ADCY2: variants seen among roughly 807,000 people sequenced by gnomAD.
ADCY2 encodes adenylate cyclase type 2.
Under a neutral mutation model 125.2 loss-of-function variants are expected in ADCY2, and 31 were observed. The ratio of observed to expected loss-of-function variants is 0.25; its 90% CI spans 0.19 to 0.33. The LOEUF is 0.33. ADCY2 is among the 10% of genes least tolerant of loss of function. The probability of loss-of-function intolerance (pLI) is 1.00; values close to 1 mark genes in which losing one functional copy is unlikely to be tolerated. For synonymous variants in ADCY2, 512 were observed against 548.4 expected, an observed-to-expected ratio of 0.93 and a Z score of 0.93; for missense variants, 904 against 1,418.2, an observed-to-expected ratio of 0.64 and a Z score of 5.82.
chr5:7,739,888 G>T (rs1012984801), intron 14 of ADCY2, among the ~76,000 whole-genome samples: 2 of 151,922 alleles, frequency 1.3e-5, no homozygotes, highest in Non-Finnish European at 2.9e-5. Flanking sequence ...AACTGTGCAT[G>T]TATCTATTTA....
intron 1 of ADCY2, among the ~76,000 whole-genome samples, chr5:7,407,867 CT>C (rs963332049): frequency 2.1e-3 from 268 of 127,916 alleles, no homozygotes; most frequent in Middle Eastern, 0.012. Flanking sequence ...CTCTTCAGTT[CT>C]TTTTTTTTTT....
intron 3 of ADCY2, among the ~76,000 whole-genome samples, chr5:7,624,301 A>C (rs573772858): frequency 6.6e-6 from 1 of 152,332 alleles, no homozygotes; most frequent in South Asian, 2.1e-4. Context: ...ATGGAGAACA[A>C]AATGTCACCT....
chr5:7,451,841 A>G (rs1440648871), intron 2 of ADCY2, among the ~76,000 whole-genome samples: 1 of 152,086 alleles, frequency 6.6e-6, no homozygotes, highest in Admixed American at 6.5e-5. Context: ...ATAGTGGTGA[A>G]GTCAGAGATT....
chr5:7,735,910 GT>G (rs1742235685), intron 14 of ADCY2, among the ~76,000 whole-genome samples: 1 of 152,106 alleles, frequency 6.6e-6, no homozygotes, highest in Non-Finnish European at 1.5e-5. Flanking sequence ...TTCTTTCAAA[GT>G]TTTGGGCCAG....
chr5:7,477,216 C>G (rs1211570577), intron 2 of ADCY2, among the ~76,000 whole-genome samples: 2 of 151,726 alleles, frequency 1.3e-5, no homozygotes, highest in Non-Finnish European at 2.9e-5. Flanking sequence ...TAAAAGAGAC[C>G]CCCATTAAAA....
intron 18 of ADCY2, among the ~76,000 whole-genome samples, chr5:7,778,023 GCAGTCCT>G (rs1249779179): frequency 1.3e-5 from 2 of 152,172 alleles, no homozygotes; most frequent in Non-Finnish European, 2.9e-5. Context: ...GGTGTTCACA[GCAGTCCT>G]CCATATTGTC....
intron 2 of ADCY2, among the ~76,000 whole-genome samples, chr5:7,498,479 A>C (rs1396899274): frequency 1.3e-5 from 2 of 151,776 alleles, no homozygotes; most frequent in Non-Finnish European, 2.9e-5. Context: ...CGATCTCCTG[A>C]CCTCGTGATC....
At chr5:7,442,216 G>T (rs925017897) in intron 2 of ADCY2, among the ~76,000 whole-genome samples, 4 of 152,138 alleles carry the variant, frequency 2.6e-5, no homozygotes, top group African/African-American at 9.7e-5. Context: ...TGTGCCTCCT[G>T]TGTGTCTTCT....
Position 7,522,203 on chromosome 5 carries a change from A to G in ADCY2, c.570+1304A>G, listed in dbSNP as rs578033626. ...AAGGTGTGCAACATTACGGTTTGCT[A>G]TATGTATGCATTGTGTAATGGTTGT... On this transcript the variant is annotated intron_variant, in intron 3 of 24. Transcript: ENST00000338316. Among the ~76,000 whole-genome samples, 7 of 152,340 alleles carry G rather than the reference A, an allele frequency of 4.6e-5. 1 individual carries two copies. The highest frequency in any genetic ancestry group is 2.1e-4 in the South Asian group (1 of 4,826).
Position 7,773,049 on chromosome 5 carries a change from C to T in ADCY2, c.2332C>T (p.Leu778Phe). The T allele has an allele frequency of 6.2e-7, 1 of 1,614,154 alleles. No homozygotes were observed. The highest frequency in any genetic ancestry group is 1.1e-5 in the South Asian group (1 of 91,074). ...VALVGYNTIL[L>F]HTHAHVLGDY... Reference sequence around the variant, plus strand: ...CTTGGTGGGCTACAACACCATCCTACTCCACACCCACGCCCACGTCCTGGG... The same window carrying T: ...CTTGGTGGGCTACAACACCATCCTATTCCACACCCACGCCCACGTCCTGGG... The change falls in exon 18 of 25, where the codon CTC becomes TTC. Residue 778 changes from leucine to phenylalanine, a missense_variant. This residue lies in a region of ADCY2 where 221 missense variants were observed against 246.2 expected (regional missense o/e 0.90). Transcript: ENST00000338316.
intron 20 of ADCY2, among the ~76,000 whole-genome samples, chr5:7,792,053 G>T (rs988373655): frequency 6.6e-6 from 1 of 151,960 alleles, no homozygotes; most frequent in East Asian, 1.9e-4. Flanking sequence ...GCCCACTGGA[G>T]CAGGCAGGAA....
chr5:7,527,377 C>A (rs941727057), intron 3 of ADCY2, among the ~76,000 whole-genome samples: 37 of 152,180 alleles, frequency 2.4e-4, no homozygotes, highest in African/African-American at 8.0e-4. Context: ...TAATAATGAG[C>A]CAACCTCAAG....
At chr5:7,429,835 C>A (rs1740524212) in intron 2 of ADCY2, among the ~76,000 whole-genome samples, 1 of 152,114 alleles carries the variant, frequency 6.6e-6, no homozygotes, top group Non-Finnish European at 1.5e-5. Context: ...GTAACTTGAA[C>A]TTTCACTTTA....
intron 18 of ADCY2, among the ~76,000 whole-genome samples, chr5:7,780,965 G>A (rs555280906): frequency 5.9e-5 from 9 of 152,310 alleles, no homozygotes; most frequent in Middle Eastern, 6.8e-3. Context: ...ACGCCTGTGC[G>A]GCACGGGAGC....
intron 7 of ADCY2, among the ~76,000 whole-genome samples, chr5:7,703,026 C>T (rs1377412817): frequency 6.6e-6 from 1 of 152,204 alleles, no homozygotes; most frequent in African/African-American, 2.4e-5. Flanking sequence ...TAAATGTCTT[C>T]TTTCGAGAAG....
intron 2 of ADCY2, among the ~76,000 whole-genome samples, chr5:7,486,222 G>A (rs1742920423): frequency 6.6e-6 from 1 of 152,168 alleles, no homozygotes; most frequent in Non-Finnish European, 1.5e-5. Flanking sequence ...GTTTCATGAA[G>A]TATCGTAATA....
intron 19 of ADCY2, among the ~76,000 whole-genome samples, chr5:7,785,089 G>A (rs930517808): frequency 6.6e-5 from 10 of 152,228 alleles, no homozygotes; most frequent in South Asian, 4.1e-4. Context: ...CCTCTGCCTC[G>A]TCCACAGTCT....
chr5:7,726,044 AT>A (rs1418997695), intron 13 of ADCY2, among the ~76,000 whole-genome samples: 1 of 152,146 alleles, frequency 6.6e-6, no homozygotes, highest in Non-Finnish European at 1.5e-5. Flanking sequence ...CAGAAGATAA[AT>A]CTCTGGAGAC....
intron 16 of ADCY2, among the ~76,000 whole-genome samples, chr5:7,757,800 A>G (rs193213453): frequency 1.1e-4 from 17 of 152,280 alleles, no homozygotes; most frequent in African/African-American, 3.4e-4. Context: ...GGAAACTTGC[A>G]TTTGGCTCCT....
Sources: gnomAD v4.1 joint callset for allele counts (sites outside exome capture counted in the v4.1 genomes callset) on GRCh38, gnomAD v4.1.1 for gene constraint, gnomAD v4.1.1 regional missense constraint, MANE v1.5 for transcripts, NCBI Gene and HGNC (gene_info 2026-07-23, HGNC 2026-07-21) for gene names.